Variants in DACH2 observed in about 807,000 individuals in gnomAD.
The protein encoded by DACH2 is dachshund homolog 2.
DACH2 carries 17 observed loss-of-function variants against 35.8 expected under a neutral mutation model. The ratio of observed to expected loss-of-function variants is 0.48; its 90% confidence interval spans 0.33 to 0.71. The LOEUF is 0.71. Ranked by LOEUF, DACH2 falls within the 30% of genes least tolerant of loss-of-function variation. The pLI, the probability that DACH2 is intolerant of heterozygous loss-of-function variation, is 0.02. For synonymous variants in DACH2, 195 were observed against 177.3 expected, an observed-to-expected ratio of 1.10 and a Z score of -0.79; for missense variants, 469 against 472.7, an observed-to-expected ratio of 0.99 and a Z score of 0.07.
At chrX:86,368,504 A>G (rs1391437837) in intron 1 of DACH2, among the ~76,000 whole-genome samples, 1 of 110,723 alleles carries the variant, frequency 9.0e-6, no homozygotes, top group Non-Finnish European at 1.9e-5. Context: ...TTAGATATCA[A>G]TTATAAGCAT....
intron 3 of DACH2, among the ~76,000 whole-genome samples, chrX:86,578,168 T>A (rs1436499012): frequency 9.0e-6 from 1 of 110,761 alleles, no homozygotes; most frequent in Non-Finnish European, 1.9e-5. Context: ...TGGGATCTAA[T>A]GCCATCTCCA....
chrX:86,431,106 G>T (rs1475265394), intron 2 of DACH2, among the ~76,000 whole-genome samples: 1 of 111,452 alleles, frequency 9.0e-6, no homozygotes, highest in African/African-American at 3.3e-5. Context: ...TCTAGGCATG[G>T]TAATCATGTG....
intron 1 of DACH2, chrX:86,160,924 T>C: frequency 4.2e-6 from 3 of 707,511 alleles, no homozygotes; most frequent in South Asian, 2.2e-5. Context: ...CGCAAGGGCT[T>C]GTCAGTTGGA....
chrX:86,226,567 A>G (rs1162950691), intron 1 of DACH2, among the ~76,000 whole-genome samples: 2 of 111,946 alleles, frequency 1.8e-5, no homozygotes, highest in East Asian at 5.6e-4. Context: ...GTCTCCATCT[A>G]GAGTTGCATT....
chrX:86,543,439 C>T (rs753876795), intron 3 of DACH2, among the ~76,000 whole-genome samples: 15 of 111,710 alleles, frequency 1.3e-4, no homozygotes, highest in South Asian at 3.8e-4. Context: ...CACCTCCAAA[C>T]GACTGCACTA....
chrX:86,482,226 T>C lies in DACH2; in HGVS notation c.528-32053T>C, dbSNP rs191958917. Among the ~76,000 whole-genome samples, 471 of 112,332 alleles carry C rather than the reference T, an allele frequency of 4.2e-3. 2 individuals carry two copies. Among genetic ancestry groups the C allele is most frequent in the African/African-American group, 0.015 (459 of 30,973 alleles). ...CTAGTTTGATTTAATTATTCCACATTGTATTCATAAATTATAACATCACTT... is the reference window on the plus strand; with the variant it reads ...CTAGTTTGATTTAATTATTCCACATCGTATTCATAAATTATAACATCACTT... On this transcript the variant is annotated intron_variant, in intron 2 of 11. Transcript: ENST00000373125.
At chrX:86,189,989 C>A (rs770644807) in intron 1 of DACH2, among the ~76,000 whole-genome samples, 4 of 109,218 alleles carry the variant, frequency 3.7e-5, no homozygotes, top group Admixed American at 9.9e-5. Flanking sequence ...CATGGTGAAA[C>A]CCCGTCTCTA....
At chrX:86,473,334 T>A (rs1202574962) in intron 2 of DACH2, among the ~76,000 whole-genome samples, 2 of 111,187 alleles carry the variant, frequency 1.8e-5, no homozygotes, top group Non-Finnish European at 3.8e-5. Context: ...GGGGCATCCA[T>A]CCCCTCAAGC....
At chrX:86,686,222 T>A (rs1424089579) in intron 4 of DACH2, among the ~76,000 whole-genome samples, 1 of 106,660 alleles carries the variant, frequency 9.4e-6, no homozygotes, top group Non-Finnish European at 2.0e-5. Context: ...GTATTTTTAT[T>A]TTATTTATTT....
At chrX:86,462,799 G>A (rs2037598377) in intron 2 of DACH2, among the ~76,000 whole-genome samples, 1 of 110,891 alleles carries the variant, frequency 9.0e-6, no homozygotes, top group Admixed American at 9.7e-5. Flanking sequence ...AGGAAGTCAT[G>A]GCAAGATAAA....
intron 2 of DACH2, among the ~76,000 whole-genome samples, chrX:86,463,036 G>C (rs1011071632): frequency 9.0e-6 from 1 of 111,337 alleles, no homozygotes. Context: ...ACAGGGCTTT[G>C]AGCATAATAT....
intron 1 of DACH2, among the ~76,000 whole-genome samples, chrX:86,238,272 A>G (rs1223094995): frequency 1.8e-5 from 2 of 112,139 alleles, no homozygotes; most frequent in Non-Finnish European, 3.8e-5. Flanking sequence ...AGCATTCAGA[A>G]TATGTTTCTG....
At chrX:86,746,027 T>C (rs1344489089) in intron 7 of DACH2, among the ~76,000 whole-genome samples, 1 of 111,978 alleles carries the variant, frequency 8.9e-6, no homozygotes, top group Non-Finnish European at 1.9e-5. Flanking sequence ...GCTATATGTA[T>C]GCCTTCTTTT....
At chrX:86,731,093 G>A (rs2041527910) in intron 6 of DACH2, among the ~76,000 whole-genome samples, 1 of 111,277 alleles carries the variant, frequency 9.0e-6, no homozygotes, top group Non-Finnish European at 1.9e-5. Context: ...TGAATGTTAG[G>A]ATGAAAGAAA....
intron 1 of DACH2, among the ~76,000 whole-genome samples, chrX:86,281,194 C>G (rs1356583133): frequency 1.8e-5 from 2 of 111,041 alleles, no homozygotes; most frequent in African/African-American, 6.6e-5. Context: ...AACACATACA[C>G]AAACACACAA....
intron 1 of DACH2, among the ~76,000 whole-genome samples, chrX:86,238,081 T>G (rs369954292): frequency 8.9e-6 from 1 of 112,282 alleles, no homozygotes; most frequent in African/African-American, 3.2e-5. Context: ...CCATGCCGAG[T>G]TATATTTTAT....
intron 2 of DACH2, among the ~76,000 whole-genome samples, chrX:86,393,718 T>G (rs1265609115): frequency 9.0e-6 from 1 of 111,357 alleles, no homozygotes; most frequent in African/African-American, 3.3e-5. Flanking sequence ...TTTATTTACT[T>G]GGTGATGCCT....
rs968435059 is a variant in DACH2 at position 86,739,829 on chromosome X, G to A, written c.1187G>A (p.Ser396Asn). ...GGGAGCCAGACCTCTTCCCACACCA[G>A]CAGCAGTGTGTCCAGCTCTCCCTCT... The part of the protein sequence containing the change: ...RPGSQTSSHT[S>N]SSVSSSPSQM... The change falls in exon 7 of 12, where the codon AGC (serine) becomes AAC (asparagine). Residue 396 changes from serine (S) to asparagine (N), a missense_variant. Transcript: ENST00000373125. The A allele has an allele frequency of 8.3e-7, 1 of 1,204,882 alleles. No individual in the cohort carries two copies. Among genetic ancestry groups the A allele is most frequent in the Admixed American group, 2.2e-5 (1 of 45,588 alleles).
At chrX:86,153,603 A>C (rs889246065) in intron 1 of DACH2, among the ~76,000 whole-genome samples, 9 of 111,732 alleles carry the variant, frequency 8.1e-5, no homozygotes, top group Non-Finnish European at 1.7e-4. Flanking sequence ...AATGATAAAA[A>C]CATTTTAGAA....
Sources: gnomAD v4.1 joint callset for allele counts (sites outside exome capture counted in the v4.1 genomes callset) on GRCh38, gnomAD v4.1.1 for gene constraint, MANE v1.5 for transcripts, NCBI Gene and HGNC (gene_info 2026-07-23, HGNC 2026-07-21) for gene names.